The following ITGA2 variants were observed in gnomAD, a reference collection of about 807,000 sequenced individuals.
ITGA2 encodes integrin alpha-2.
In ITGA2, 101 loss-of-function variants were observed where a neutral mutation model predicts 146.3. The ratio of observed to expected loss-of-function variants is 0.69; its 90% CI spans 0.59 to 0.81. The LOEUF is 0.81. Among genes scored for constraint, ITGA2 ranks in the 40% least tolerant of loss-of-function variants. ITGA2 has a pLI of 0.00. For missense variants in ITGA2, 1,281 were observed against 1,402.7 expected (o/e 0.91, Z 1.39); for synonymous variants, 477 against 487.1 (o/e 0.98, Z 0.27).
chr5:53,001,138 G>A (rs891079762), intron 1 of ITGA2, among the ~76,000 whole-genome samples: 3 of 152,020 alleles, frequency 2.0e-5, no homozygotes, highest in African/African-American at 7.2e-5. Flanking sequence ...CTGATCTCAA[G>A]TGGTCCACCC....
chr5:52,996,061 G>C (rs1335047266), intron 1 of ITGA2, among the ~76,000 whole-genome samples: 1 of 152,176 alleles, frequency 6.6e-6, no homozygotes. Context: ...AATCAGAACA[G>C]AGCGGCCAGA....
At chr5:53,000,897 GTTTTTTTTT>G (rs369482288) in intron 1 of ITGA2, among the ~76,000 whole-genome samples, 1 of 97,226 alleles carries the variant, frequency 1.0e-5, no homozygotes, top group Admixed American at 1.3e-4. Context: ...TTTTCTTTTT[GTTTTTTTTT>G]TTTTTTTTTT....
intron 28 of ITGA2, among the ~76,000 whole-genome samples, chr5:53,087,920 G>C (rs1740184568): frequency 6.6e-6 from 1 of 152,192 alleles, no homozygotes; most frequent in South Asian, 2.1e-4. Flanking sequence ...ATGGCCCCAT[G>C]AACTATGGGC....
intron 2 of ITGA2, among the ~76,000 whole-genome samples, chr5:53,032,360 A>G (rs950674413): frequency 7.9e-5 from 12 of 152,160 alleles, no homozygotes; most frequent in Non-Finnish European, 1.8e-4. Context: ...TGATACTTTG[A>G]TAATAACACC....
intron 11 of ITGA2, among the ~76,000 whole-genome samples, chr5:53,060,364 G>T (rs1286124033): frequency 6.6e-6 from 1 of 151,906 alleles, no homozygotes; most frequent in East Asian, 1.9e-4. Context: ...AGCAGCCACT[G>T]ATTTTGCAGA....
At chr5:53,045,334 C>T (rs1744023829) in intron 4 of ITGA2, among the ~76,000 whole-genome samples, 1 of 152,146 alleles carries the variant, frequency 6.6e-6, no homozygotes, top group Non-Finnish European at 1.5e-5. Context: ...AAAAAGAACC[C>T]TGATTCTTTG....
chr5:53,046,725 C>A (rs775542021), intron 4 of ITGA2, among the ~76,000 whole-genome samples: 12 of 151,638 alleles, frequency 7.9e-5, no homozygotes, highest in African/African-American at 2.4e-4. Context: ...AAAGAAAAAA[C>A]CCAAAGTTTC....
Position 53,065,123 on chromosome 5 carries a change from A to G in ITGA2, c.1806+8A>G, listed in dbSNP as rs968285498. The G allele has an allele frequency of 8.1e-6, 13 of 1,611,080 alleles. No homozygotes were observed. The highest frequency in any genetic ancestry group is 6.6e-5 in the South Asian group (6 of 91,036). ...CGCACAAAGTATTCCCAGGTAATCC[A>G]TGAGCTGTTATGGTGATGTATGTAT... On this transcript the variant is annotated splice_region_variant and intron_variant, in intron 14 of 29. Coordinates refer to ENST00000296585, the MANE Select transcript of ITGA2 (RefSeq NM_002203.4).
intron 1 of ITGA2, 146 bp downstream of exon 1, chr5:52,989,678 C>A (rs3733881): frequency 0.021 from 17,826 of 840,962 alleles, 623 homozygotes; most frequent in East Asian, 0.14. Flanking sequence ...GCCACCAGGA[C>A]CTGCTTGGAA....
chr5:53,059,883 A>G lies in ITGA2; in HGVS notation c.1183A>G (p.Met395Val). The G allele has an allele frequency of 6.2e-7, 1 of 1,612,056 alleles. No individual in the cohort carries two copies. The highest frequency in any genetic ancestry group is 8.5e-7 in the Non-Finnish European group (1 of 1,178,804). Residue 395 changes from methionine (M) to valine (V), a missense_variant, in exon 11 of 30, where the codon ATG (methionine) becomes GTG (valine). Physicochemically the swap from Met to Val is conservative, Grantham distance 21. Coordinates refer to ENST00000296585, the MANE Select transcript of ITGA2 (RefSeq NM_002203.4). Reference sequence around the variant, plus strand: ...TTTTCAATTATTTTAGGATATTCTGATGCTGGGTGCAGTGGGAGCTTTTGG... The same window carrying G: ...TTTTCAATTATTTTAGGATATTCTGGTGCTGGGTGCAGTGGGAGCTTTTGG... ...ADYSSQNDIL[M>V]LGAVGAFGWS...
intron 2 of ITGA2, among the ~76,000 whole-genome samples, chr5:53,034,751 A>G (rs12657429): frequency 0.28 from 42,175 of 152,002 alleles, 5,919 homozygotes; most frequent in Admixed American, 0.32. Flanking sequence ...TAAGACATTT[A>G]CATCCATCTA....
At chr5:53,042,810 C>T (rs916891915) in intron 3 of ITGA2, among the ~76,000 whole-genome samples, 5 of 151,846 alleles carry the variant, frequency 3.3e-5, no homozygotes, top group Admixed American at 6.6e-5. Flanking sequence ...TAAAAAGTCA[C>T]TCAATTTGAT....
At chr5:53,063,053 C>T in intron 13 of ITGA2, 124 bp downstream of exon 13, 1 of 829,810 alleles carries the variant, frequency 1.2e-6, no homozygotes, top group Non-Finnish European at 1.9e-6. Flanking sequence ...GTTTACATTT[C>T]ATCATTTTTG....
chr5:53,052,868 G>T (rs2974984), intron 7 of ITGA2, among the ~76,000 whole-genome samples: 2 of 151,984 alleles, frequency 1.3e-5, no homozygotes, highest in East Asian at 3.9e-4. Context: ...CACTGTCATG[G>T]CATCAGCAGC....
chr5:53,068,304 GA>G (rs1039255787), intron 16 of ITGA2, among the ~76,000 whole-genome samples: 1 of 151,876 alleles, frequency 6.6e-6, no homozygotes, highest in Admixed American at 6.6e-5. Context: ...ACCCAATTTT[GA>G]GTAGCATATG....
At chr5:53,003,419 G>C (rs879425973) in intron 1 of ITGA2, among the ~76,000 whole-genome samples, 1 of 152,084 alleles carries the variant, frequency 6.6e-6, no homozygotes. Context: ...GGTGTCTTGG[G>C]TCAGGGCTTT....
chr5:53,044,339 A>AAATAAGG (rs971100357), intron 3 of ITGA2, among the ~76,000 whole-genome samples: 2 of 148,940 alleles, frequency 1.3e-5, no homozygotes, highest in African/African-American at 5.0e-5. Flanking sequence ...TCACCCTGGG[A>AAATAAGG]AATAAGGGAA....
chr5:53,067,208 ACT>A lies in ITGA2; in HGVS notation c.2037_2038del (p.Cys680LeufsTer9), dbSNP rs1470055735. On this transcript the variant is annotated frameshift_variant, in exon 16 of 30. Coordinates refer to ENST00000296585, the MANE Select transcript of ITGA2 (RefSeq NM_002203.4). LOFTEE classifies it high-confidence loss of function. Reference sequence around the variant, plus strand: ...ACAAGAATGCTCAGATAATTCTCAAACTCTGCTTCAGTGCAAAGTTCAGACCT... The same window carrying A: ...ACAAGAATGCTCAGATAATTCTCAAACTGCTTCAGTGCAAAGTTCAGACCT... ...VNKNAQIILK[L>X]CFSAKFRPTK... is the part of the protein sequence containing the mutation. 6.2e-7 allele frequency: 1 copy of A among 1,611,682 alleles called. No homozygotes were observed. Among genetic ancestry groups the A allele is most frequent in the Non-Finnish European group, 8.5e-7 (1 of 1,178,728 alleles).
At chr5:53,015,273 C>T (rs757562520) in intron 1 of ITGA2, among the ~76,000 whole-genome samples, 5 of 152,142 alleles carry the variant, frequency 3.3e-5, no homozygotes, top group Non-Finnish European at 5.9e-5. Context: ...TTTGCTGTGT[C>T]CCAGAGATTC....
Sources: gnomAD v4.1 joint callset for allele counts (sites outside exome capture counted in the v4.1 genomes callset) on GRCh38, gnomAD v4.1.1 for gene constraint, MANE v1.5 for transcripts, NCBI Gene and HGNC (gene_info 2026-07-23, HGNC 2026-07-21) for gene names.